The following BTRC variants were observed in gnomAD, a reference collection of about 807,000 sequenced individuals.
BTRC encodes the protein F-box/WD repeat-containing protein 1A.
BTRC carries 42 observed loss-of-function variants against 85.5 expected under a neutral mutation model. The observed-to-expected ratio is 0.49, with a 90% CI of 0.38 to 0.64. BTRC has a LOEUF of 0.64. BTRC is among the 30% of genes least tolerant of loss of function. The probability of loss-of-function intolerance (pLI) is 0.00; values close to 1 mark genes in which losing one functional copy is unlikely to be tolerated. For missense variants in BTRC, 594 were observed against 743.5 expected (o/e 0.80, Z 2.34); for synonymous variants, 255 against 263.3 (o/e 0.97, Z 0.30).
At chr10:101,424,399 A>G (rs964565851) in intron 1 of BTRC, among the ~76,000 whole-genome samples, 2 of 152,176 alleles carry the variant, frequency 1.3e-5, no homozygotes, top group Admixed American at 6.5e-5. Context: ...GTCTGAATGT[A>G]TTACATGATT....
At chr10:101,524,394 T>A (rs2062161112) in intron 5 of BTRC, among the ~76,000 whole-genome samples, 1 of 152,348 alleles carries the variant, frequency 6.6e-6, no homozygotes, top group Non-Finnish European at 1.5e-5. Flanking sequence ...TAGACCTGTG[T>A]ATCCTTTACC....
At chr10:101,366,829 T>TC (rs1491534353) in intron 1 of BTRC, among the ~76,000 whole-genome samples, 1 of 39,152 alleles carries the variant, frequency 2.6e-5, no homozygotes, top group Non-Finnish European at 4.0e-5. Flanking sequence ...TTAATATATA[T>TC]TTATATATAT....
chr10:101,375,923 TGTA>T (rs1942779294), intron 1 of BTRC, among the ~76,000 whole-genome samples: 1 of 152,094 alleles, frequency 6.6e-6, no homozygotes, highest in Non-Finnish European at 1.5e-5. Flanking sequence ...TGCTGGCCAG[TGTA>T]TCAACACAGG....
At chr10:101,370,985 A>G (rs975718350) in intron 1 of BTRC, among the ~76,000 whole-genome samples, 1 of 152,214 alleles carries the variant, frequency 6.6e-6, no homozygotes, top group African/African-American at 2.4e-5. Flanking sequence ...TTGTGGTAAA[A>G]TACATGTAAA....
chr10:101,545,282 A>T (rs2062541665), intron 13 of BTRC, among the ~76,000 whole-genome samples: 1 of 152,128 alleles, frequency 6.6e-6, no homozygotes, highest in African/African-American at 2.4e-5. Flanking sequence ...ACTTCACATT[A>T]AAAAAATAGA....
intron 1 of BTRC, among the ~76,000 whole-genome samples, chr10:101,409,332 CTT>C (rs926017588): frequency 6.6e-6 from 1 of 152,152 alleles, no homozygotes; most frequent in Admixed American, 6.5e-5. Context: ...CAATATGTGA[CTT>C]TTTGTGTATG....
chr10:101,437,749 T>G (rs1944568845), intron 2 of BTRC, among the ~76,000 whole-genome samples: 1 of 152,186 alleles, frequency 6.6e-6, no homozygotes, highest in South Asian at 2.1e-4. Context: ...CTCCCTCTCA[T>G]GTAATTGTTA....
intron 1 of BTRC, among the ~76,000 whole-genome samples, chr10:101,391,864 T>C (rs1295056555): frequency 6.6e-6 from 1 of 152,218 alleles, no homozygotes; most frequent in East Asian, 1.9e-4. Context: ...TGATAATGTC[T>C]TTGGTTTATT....
chr10:101,539,249 A>G (rs181766536), intron 13 of BTRC, among the ~76,000 whole-genome samples: 17 of 152,322 alleles, frequency 1.1e-4, no homozygotes, highest in African/African-American at 3.6e-4. Context: ...TTGTTAGCCA[A>G]GGGCCCAGAT....
chr10:101,396,551 GGA>G (rs1943368944), intron 1 of BTRC, among the ~76,000 whole-genome samples: 1 of 151,322 alleles, frequency 6.6e-6, no homozygotes, highest in East Asian at 1.9e-4. Context: ...AAATAATGTT[GGA>G]TTACGACAGC....
At chr10:101,434,343 A>G (rs190263321) in intron 2 of BTRC, among the ~76,000 whole-genome samples, 201 of 152,266 alleles carry the variant, frequency 1.3e-3, no homozygotes, top group Non-Finnish European at 2.1e-3. Flanking sequence ...CATTGGTCTC[A>G]GTTTTTTTCA....
chr10:101,384,058 G>A (rs1564739841), intron 1 of BTRC, among the ~76,000 whole-genome samples: 1 of 152,056 alleles, frequency 6.6e-6, no homozygotes, highest in Non-Finnish European at 1.5e-5. Flanking sequence ...TATATTTGTC[G>A]AATTTTCTTT....
chr10:101,520,059 A>G (rs1315318923), intron 4 of BTRC, among the ~76,000 whole-genome samples: 1 of 152,126 alleles, frequency 6.6e-6, no homozygotes, highest in Non-Finnish European at 1.5e-5. Flanking sequence ...ACAATAACAT[A>G]CTTTTTTCCT....
chr10:101,417,122 C>T (rs887919054), intron 1 of BTRC, among the ~76,000 whole-genome samples: 1 of 152,058 alleles, frequency 6.6e-6, no homozygotes, highest in African/African-American at 2.4e-5. Flanking sequence ...AACCCAATAA[C>T]AACCATCAGA....
At chr10:101,368,203 T>A (rs1942525941) in intron 1 of BTRC, among the ~76,000 whole-genome samples, 1 of 152,210 alleles carries the variant, frequency 6.6e-6, no homozygotes, top group African/African-American at 2.4e-5. Flanking sequence ...TTTAAGAGTC[T>A]GGCACCTCCC....
At chr10:101,391,546 C>G (rs1168229269) in intron 1 of BTRC, among the ~76,000 whole-genome samples, 1 of 152,172 alleles carries the variant, frequency 6.6e-6, no homozygotes, top group Non-Finnish European at 1.5e-5. Flanking sequence ...CCAAAATGCT[C>G]TTTGTTCATC....
intron 3 of BTRC, among the ~76,000 whole-genome samples, chr10:101,470,449 C>T (rs1227897170): frequency 6.6e-6 from 1 of 151,194 alleles, no homozygotes; most frequent in Non-Finnish European, 1.5e-5. Context: ...TCTTGTGCCT[C>T]AGCCTCCTGA....
intron 1 of BTRC, among the ~76,000 whole-genome samples, chr10:101,380,560 G>A (rs1942903569): frequency 6.6e-6 from 1 of 152,092 alleles, no homozygotes; most frequent in Non-Finnish European, 1.5e-5. Flanking sequence ...CCCAGACAGG[G>A]CAGCGGCTAT....
chr10:101,439,999 A>G (rs914698971), intron 2 of BTRC, among the ~76,000 whole-genome samples: 7 of 152,246 alleles, frequency 4.6e-5, no homozygotes, highest in Non-Finnish European at 8.8e-5. Context: ...AAGTGGTGAA[A>G]TTATAGAAGA....
Sources: gnomAD v4.1 joint callset for allele counts (sites outside exome capture counted in the v4.1 genomes callset) on GRCh38, gnomAD v4.1.1 for gene constraint, MANE v1.5 for transcripts, NCBI Gene and HGNC (gene_info 2026-07-23, HGNC 2026-07-21) for gene names.